Variants in MEGF11 observed in about 807,000 individuals in gnomAD.
MEGF11 encodes the protein multiple epidermal growth factor-like domains protein 11.
Under a neutral mutation model 146.6 loss-of-function variants are expected in MEGF11, and 126 were observed. That is an observed-to-expected ratio of 0.86 (90% confidence interval 0.74 to 1.00). The LOEUF (loss-of-function observed/expected upper bound fraction) is 1.00, where lower values mean the gene tolerates loss of function less well. MEGF11 is among the 50% of genes least tolerant of loss of function. MEGF11 has a pLI of 0.00. For missense variants in MEGF11, 1,509 were observed against 1,521.2 expected, an observed-to-expected ratio of 0.99 and a Z score of 0.13; for synonymous variants, 532 against 583.4, an observed-to-expected ratio of 0.91 and a Z score of 1.27.
intron 4 of MEGF11, among the ~76,000 whole-genome samples, chr15:66,110,258 C>A (rs1449617887): frequency 6.6e-6 from 1 of 152,200 alleles, no homozygotes; most frequent in Non-Finnish European, 1.5e-5. Flanking sequence ...TGGACAAGGA[C>A]AACTCTTTGG....
In MEGF11 at chr15:65,896,727, T is replaced by C. The variant is rs774305212; in HGVS notation, c.*1207A>G. ...ACTGGGATCTGGAGCATTAGCTCAT[T>C]GTAATGCATATTGGGCTAGCTCAGT... On this transcript the variant is annotated 3_prime_UTR_variant, in exon 26 of 26. Coordinates refer to ENST00000395614, the MANE Select transcript of MEGF11 (RefSeq NM_001385028.1). 5.3e-5 allele frequency: 8 copies of C among 152,338 alleles called. No homozygotes were observed. The highest frequency in any genetic ancestry group is 1.7e-4 in the African/African-American group (7 of 41,570). 9.4% of individuals were successfully genotyped at this position (152,338 alleles called of 1,614,324 possible). A position where few individuals can be genotyped will look rare whatever the true frequency, so the allele number is the denominator to read the frequency against.
chr15:65,941,526 C>G (rs755945116), intron 10 of MEGF11, among the ~76,000 whole-genome samples: 33 of 152,134 alleles, frequency 2.2e-4, no homozygotes, highest in African/African-American at 8.0e-4. Flanking sequence ...GGCCGTGCCA[C>G]TTACTGGCTG....
At chr15:65,926,047 T>C (rs1458492567) in intron 13 of MEGF11, among the ~76,000 whole-genome samples, 1 of 152,232 alleles carries the variant, frequency 6.6e-6, no homozygotes, top group Admixed American at 6.5e-5. Flanking sequence ...ATCTTGGTCA[T>C]TTTTGCATCT....
chr15:66,170,263 A>G (rs1463977256), intron 1 of MEGF11, among the ~76,000 whole-genome samples: 1 of 152,206 alleles, frequency 6.6e-6, no homozygotes, highest in East Asian at 1.9e-4. Context: ...GACACCGCTC[A>G]GCCTGCCAGG....
At chr15:66,128,622 T>C (rs898554465) in intron 1 of MEGF11, among the ~76,000 whole-genome samples, 2 of 152,180 alleles carry the variant, frequency 1.3e-5, no homozygotes, top group Non-Finnish European at 2.9e-5. Context: ...TTCTGAATGT[T>C]TTTTGACTCA....
chr15:66,210,886 T>A (rs2091429199), intron 1 of MEGF11, among the ~76,000 whole-genome samples: 1 of 152,220 alleles, frequency 6.6e-6, no homozygotes, highest in African/African-American at 2.4e-5. Flanking sequence ...AGAGCTGGAC[T>A]TGAGCCCTCA....
chr15:66,045,138 G>C (rs1188743594), intron 5 of MEGF11, among the ~76,000 whole-genome samples: 1 of 152,194 alleles, frequency 6.6e-6, no homozygotes, highest in Non-Finnish European at 1.5e-5. Flanking sequence ...AAAATCTATT[G>C]TGGGTCCAGG....
At chr15:66,176,381 A>C (rs933157146) in intron 1 of MEGF11, among the ~76,000 whole-genome samples, 4 of 152,204 alleles carry the variant, frequency 2.6e-5, no homozygotes, top group Admixed American at 6.5e-5. Flanking sequence ...AGCACTGTTC[A>C]CAATAGCCAA....
At chr15:66,040,065 C>G (rs555719415) in intron 5 of MEGF11, among the ~76,000 whole-genome samples, 87 of 152,220 alleles carry the variant, frequency 5.7e-4, no homozygotes, top group Non-Finnish European at 1.1e-3. Flanking sequence ...TTACAGTGTC[C>G]GAACTGCTGG....
intron 10 of MEGF11, among the ~76,000 whole-genome samples, chr15:65,952,417 A>G (rs2080440789): frequency 6.6e-6 from 1 of 152,176 alleles, no homozygotes; most frequent in Admixed American, 6.5e-5. Flanking sequence ...AATTCAGCTA[A>G]TTCCCTAGCT....
At chr15:66,024,447 G>A (rs1010393750) in intron 5 of MEGF11, among the ~76,000 whole-genome samples, 13 of 152,232 alleles carry the variant, frequency 8.5e-5, no homozygotes, top group African/African-American at 2.9e-4. Flanking sequence ...AAGTCACACA[G>A]CTGGCCAGAG....
chr15:65,944,303 G>T (rs183416617), intron 10 of MEGF11, among the ~76,000 whole-genome samples: 12 of 152,308 alleles, frequency 7.9e-5, no homozygotes, highest in Admixed American at 7.8e-4. Flanking sequence ...GTCCCATAGG[G>T]AAGACAGCAA....
intron 1 of MEGF11, among the ~76,000 whole-genome samples, chr15:66,198,045 T>G (rs1322575238): frequency 6.6e-6 from 1 of 152,184 alleles, no homozygotes; most frequent in Admixed American, 6.5e-5. Flanking sequence ...GGCACTACAG[T>G]GAGACCCCAT....
intron 1 of MEGF11, among the ~76,000 whole-genome samples, chr15:66,131,809 T>G (rs937490397): frequency 6.6e-6 from 1 of 152,216 alleles, no homozygotes; most frequent in Non-Finnish European, 1.5e-5. Flanking sequence ...AGAGACCATT[T>G]GACTTTTTAT....
In MEGF11 at chr15:65,913,842, A is replaced by G; in HGVS notation, c.2605T>C (p.Phe869Leu). 6.2e-7 allele frequency: 1 copy of G among 1,613,970 alleles called. No individual in the cohort carries two copies. The highest frequency in any genetic ancestry group is 8.5e-7 in the Non-Finnish European group (1 of 1,179,886). Residue 869 changes from phenylalanine (F) to leucine (L), a missense_variant, in exon 20 of 26, where the codon TTT (phenylalanine) becomes CTT (leucine). Transcript: ENST00000395614. ...TTCTGCCGCCGCCGATGCCAGGCAA[A>G]TAGGCCCAGCAGCACCACAATGAGG... is the stretch of plus-strand genomic sequence containing the variant. ...LFLIVVLLGL[F>L]AWHRRRQKEK...
intron 10 of MEGF11, among the ~76,000 whole-genome samples, chr15:65,935,056 C>T (rs1176422797): frequency 1.3e-5 from 2 of 152,134 alleles, no homozygotes; most frequent in Non-Finnish European, 2.9e-5. Flanking sequence ...CGTGATGGCT[C>T]AGGCCTGTAA....
intron 3 of MEGF11, 59 bp downstream of exon 3, chr15:66,123,840 G>T: frequency 7.0e-7 from 1 of 1,429,322 alleles, no homozygotes; most frequent in Non-Finnish European, 9.9e-7. Context: ...CTTGCACAGA[G>T]GCAAGCCCTG....
chr15:66,170,289 G>A (rs28437207), intron 1 of MEGF11, among the ~76,000 whole-genome samples: 2,038 of 152,272 alleles, frequency 0.013, 42 homozygotes, highest in African/African-American at 0.047. Flanking sequence ...TTCCAGAGAG[G>A]AGAGCTCTTC....
intron 5 of MEGF11, among the ~76,000 whole-genome samples, chr15:65,986,657 C>T (rs2081865991): frequency 6.6e-6 from 1 of 152,156 alleles, no homozygotes; most frequent in Non-Finnish European, 1.5e-5. Flanking sequence ...ATTATAATTA[C>T]AAGAAGACTT....
Sources: allele counts gnomAD v4.1 joint callset (sites outside exome capture counted in the v4.1 genomes callset), GRCh38; gene constraint gnomAD v4.1.1; transcripts MANE v1.5; gene names NCBI Gene and HGNC (gene_info 2026-07-23, HGNC 2026-07-21).